The following NEMP2 variants were observed in gnomAD, a reference collection of about 807,000 sequenced individuals.
NEMP2 encodes UPF0571 transmembrane protein.
In NEMP2, 53 loss-of-function variants were observed where a neutral mutation model predicts 54.2. That is an observed-to-expected ratio of 0.98 (90% confidence interval 0.78 to 1.23). NEMP2 has a LOEUF of 1.23. Ranked by LOEUF, NEMP2 falls within the 50% of genes most tolerant of loss-of-function variation. The pLI, the probability that NEMP2 is intolerant of heterozygous loss-of-function variation, is 0.00. For missense variants in NEMP2, 455 were observed against 511.3 expected, an observed-to-expected ratio of 0.89 and a Z score of 1.06; for synonymous variants, 197 against 190.3, an observed-to-expected ratio of 1.04 and a Z score of -0.29.
At chr2:190,610,829 T>C in the NEMP2 span, 1 of 152,300 alleles carries the variant, frequency 6.6e-6, no homozygotes, top group East Asian at 1.9e-4. This position sits in a 1 kb window ranked among gnomAD's most constrained non-coding sequence, Gnocchi z 5.4. Flanking sequence ...AAACAAAGGA[T>C]TAGCAACATT....
At chr2:190,448,128 G>A in the NEMP2 span, among the ~76,000 whole-genome samples, 1 of 152,142 alleles carries the variant, frequency 6.6e-6, no homozygotes, top group Non-Finnish European at 1.5e-5. Flanking sequence ...ATTGCAGACT[G>A]CCCTTAGACT....
chr2:190,518,646 A>G (rs1390747785), intron 4 of NEMP2, 90 bp downstream of exon 4: 4 of 1,086,188 alleles, frequency 3.7e-6, no homozygotes, highest in Non-Finnish European at 5.3e-6. Flanking sequence ...CTACAAATGC[A>G]CAATAGTGTG....
chr2:190,483,792 G>A, the NEMP2 span, among the ~76,000 whole-genome samples: 1 of 134,320 alleles, frequency 7.4e-6, no homozygotes, highest in Non-Finnish European at 1.5e-5. Context: ...CCGAGATCAC[G>A]CCATTGCACT....
chr2:190,526,150 G>T (rs933350498), intron 1 of NEMP2, among the ~76,000 whole-genome samples: 3 of 152,198 alleles, frequency 2.0e-5, no homozygotes, highest in African/African-American at 7.2e-5. Flanking sequence ...TGGCAAGGAG[G>T]ATCCCATGTT....
the NEMP2 span, among the ~76,000 whole-genome samples, chr2:190,427,751 G>A: frequency 2.0e-5 from 3 of 149,086 alleles, no homozygotes; most frequent in Admixed American, 2.0e-4. Context: ...TTTTTTTTGA[G>A]ACAGAGTTTC....
At chr2:190,534,486 G>A (rs1207902035) in intron 1 of NEMP2, 73 bp downstream of exon 1, 8 of 1,298,094 alleles carry the variant, frequency 6.2e-6, no homozygotes, top group Non-Finnish European at 6.8e-6. Flanking sequence ...GCCAAAGAGC[G>A]CGCCCTCAGG....
chr2:190,558,699 T>C, the NEMP2 span, among the ~76,000 whole-genome samples: 7 of 152,148 alleles, frequency 4.6e-5, no homozygotes, highest in Middle Eastern at 3.2e-3. The surrounding 1 kb of genome is among the most constrained non-coding windows in gnomAD (Gnocchi z 4.4). Flanking sequence ...TCATAGGAGT[T>C]TGAAGATTCT....
chr2:190,605,525 C>A, the NEMP2 span, among the ~76,000 whole-genome samples: 3 of 152,060 alleles, frequency 2.0e-5, no homozygotes, highest in Non-Finnish European at 4.4e-5. Flanking sequence ...CAGGCCCCCA[C>A]CACCACACCC....
chr2:190,516,031 A>T (rs1690543521), intron 6 of NEMP2, among the ~76,000 whole-genome samples: 1 of 152,200 alleles, frequency 6.6e-6, no homozygotes, highest in African/African-American at 2.4e-5. Context: ...TCCTCTTTTG[A>T]TCATTACTAC....
the NEMP2 span, among the ~76,000 whole-genome samples, chr2:190,471,558 T>C: frequency 2.0e-5 from 3 of 152,192 alleles, no homozygotes; most frequent in Admixed American, 2.0e-4. The surrounding 1 kb of genome is among the most constrained non-coding windows in gnomAD (Gnocchi z 4.7). Flanking sequence ...CACCCGCCAT[T>C]GCTGAGGCTT....
chr2:190,563,222 C>T, the NEMP2 span, among the ~76,000 whole-genome samples: 2 of 152,170 alleles, frequency 1.3e-5, no homozygotes, highest in South Asian at 2.1e-4. This position sits in a 1 kb window ranked among gnomAD's most constrained non-coding sequence, Gnocchi z 4.3. Flanking sequence ...ATCACCCACA[C>T]GCACCTGCCC....
At chr2:190,578,318 A>G in the NEMP2 span, among the ~76,000 whole-genome samples, 1 of 152,184 alleles carries the variant, frequency 6.6e-6, no homozygotes, top group Non-Finnish European at 1.5e-5. The surrounding 1 kb of genome is among the most constrained non-coding windows in gnomAD (Gnocchi z 4.4). Flanking sequence ...CCAGAAATAG[A>G]ACTGCCTGCC....
At chr2:190,516,086 T>C (rs747705371) in intron 6 of NEMP2, among the ~76,000 whole-genome samples, 184 bp downstream of exon 6, 25 of 152,246 alleles carry the variant, frequency 1.6e-4, no homozygotes, top group South Asian at 4.1e-4. Flanking sequence ...TAAAATGAGA[T>C]CTAAATGAAC....
At chr2:190,628,106 C>T in the NEMP2 span, 1 of 152,326 alleles carries the variant, frequency 6.6e-6, no homozygotes, top group African/African-American at 2.4e-5. This position sits in a 1 kb window ranked among gnomAD's most constrained non-coding sequence, Gnocchi z 4.1. Context: ...TCCTGGGCAT[C>T]ATTAAAATAA....
At chr2:190,488,596 A>G in the NEMP2 span, 14 of 1,345,884 alleles carry the variant, frequency 1.0e-5, no homozygotes, top group African/African-American at 1.5e-5. This position sits in a 1 kb window ranked among gnomAD's most constrained non-coding sequence, Gnocchi z 6.4. Flanking sequence ...TTCACATTTC[A>G]AAACAGAGTA....
At chr2:190,638,879 C>T in the NEMP2 span, among the ~76,000 whole-genome samples, 489 of 152,224 alleles carry the variant, frequency 3.2e-3, 10 homozygotes, top group African/African-American at 0.011. This position sits in a 1 kb window ranked among gnomAD's most constrained non-coding sequence, Gnocchi z 5.7. Context: ...CAGTTTGGCA[C>T]CTGGTGGGCC....
chr2:190,485,729 G>A, the NEMP2 span, among the ~76,000 whole-genome samples: 2 of 151,270 alleles, frequency 1.3e-5, no homozygotes, highest in African/African-American at 4.9e-5. The surrounding 1 kb of genome is among the most constrained non-coding windows in gnomAD (Gnocchi z 5.1). Context: ...GCCAGATAAA[G>A]CAAACACGTT....
At chr2:190,618,817 G>A in the NEMP2 span, among the ~76,000 whole-genome samples, 7 of 152,340 alleles carry the variant, frequency 4.6e-5, no homozygotes, top group African/African-American at 1.4e-4. Flanking sequence ...GGACTCAAGC[G>A]ATCTCCCTGC....
At chr2:190,582,948 G>A in the NEMP2 span, among the ~76,000 whole-genome samples, 5 of 152,144 alleles carry the variant, frequency 3.3e-5, no homozygotes, top group Non-Finnish European at 5.9e-5. The surrounding 1 kb of genome is among the most constrained non-coding windows in gnomAD (Gnocchi z 4.6). Context: ...AAGTCACTAC[G>A]TTTTCAGCAA....
Sources: gnomAD v4.1 joint callset for allele counts (sites outside exome capture counted in the v4.1 genomes callset) on GRCh38, gnomAD v4.1.1 for gene constraint, Gnocchi (gnomAD v3.1) non-coding constraint, MANE v1.5 for transcripts, NCBI Gene and HGNC (gene_info 2026-07-23, HGNC 2026-07-21) for gene names.